The following TOP1 variants were observed in gnomAD, a reference collection of about 807,000 sequenced individuals.
The protein encoded by TOP1 is DNA topoisomerase 1.
In TOP1, 10 loss-of-function variants were observed where a neutral mutation model predicts 111.1. The ratio of observed to expected loss-of-function variants is 0.09; its 90% CI spans 0.06 to 0.15. TOP1 has a LOEUF of 0.15. Among genes scored for constraint, TOP1 ranks in the 10% least tolerant of loss-of-function variants. TOP1 has a pLI of 1.00. For missense variants in TOP1, 474 were observed against 926.7 expected (o/e 0.51, Z 6.34); for synonymous variants, 271 against 302.9 (o/e 0.89, Z 1.10).
chr20:41,111,618 A>G (rs2034243214), intron 13 of TOP1, among the ~76,000 whole-genome samples: 1 of 90,580 alleles, frequency 1.1e-5, no homozygotes, highest in African/African-American at 4.5e-5. Context: ...TTTTTTTTTG[A>G]TAGGGTCATG....
rs776922601 is a variant in TOP1, at chr20:41,066,557, C to CTTTTTTTT, written c.155+5077_155+5084dup. 4.2e-4 allele frequency among the ~76,000 whole-genome samples: 54 copies of CTTTTTTTT among 129,388 alleles called. 2 individuals are homozygous for CTTTTTTTT. The highest frequency in any genetic ancestry group is 1.5e-3 in the African/African-American group (50 of 34,206). 84.9% of individuals were successfully genotyped at this position (129,388 alleles called of 152,430 possible). ...TGTACTTTTGTGCCTCTTTTCTTTT[C>CTTTTTTTT]TTTTTTTTTTTTTTTTTGAGACAGT... On this transcript the variant is annotated intron_variant, in intron 3 of 20. Transcript: ENST00000361337.
chr20:41,082,969 T>A lies in TOP1; in HGVS notation c.508-1493T>A, dbSNP rs1158628928. Among the ~76,000 whole-genome samples the A allele has an allele frequency of 2.0e-5, 3 of 152,182 alleles. No homozygotes were observed. Among genetic ancestry groups the A allele is most frequent in the African/African-American group, 7.2e-5 (3 of 41,452 alleles). On this transcript the variant is annotated intron_variant, in intron 7 of 20. Coordinates refer to ENST00000361337, the MANE Select transcript of TOP1 (RefSeq NM_003286.4). This position sits in a 1 kb window ranked among gnomAD's most constrained non-coding sequence, Gnocchi z 4.1. ...CAGCCCTACCACATAGGGGGAAAAA[T>A]GCTGGCTGAAAGACTGAATTAATAC...
chr20:41,077,773 G>T, intron 5 of TOP1, 136 bp downstream of exon 5: 1 of 757,522 alleles, frequency 1.3e-6, no homozygotes, highest in South Asian at 1.8e-5. Context: ...GCTCAGCAGT[G>T]AGAAGACTCG....
rs1214539052 is a variant in TOP1 at position 41,034,159 on chromosome 20, C to T, written c.58+4704C>T. On this transcript the variant is annotated intron_variant, in intron 2 of 20. Coordinates refer to ENST00000361337, the MANE Select transcript of TOP1 (RefSeq NM_003286.4). This position sits in a 1 kb window ranked among gnomAD's most constrained non-coding sequence, Gnocchi z 4.0. ...AGGCAAACAGTTGACACATGGATTT[C>T]TTAAGGTAAAAAGTTTAGAGACTTC... Among the ~76,000 whole-genome samples the T allele has an allele frequency of 6.6e-6, 1 of 152,158 alleles. No homozygotes were observed. Among genetic ancestry groups the T allele is most frequent in the East Asian group, 1.9e-4 (1 of 5,198 alleles).
chr20:41,102,599 G>C lies in TOP1; in HGVS notation c.1308+1246G>C, dbSNP rs976866147. Among the ~76,000 whole-genome samples the C allele has an allele frequency of 6.6e-6, 1 of 152,186 alleles. No individual in the cohort carries two copies. Among genetic ancestry groups the C allele is most frequent in the African/African-American group, 2.4e-5 (1 of 41,424 alleles). On this transcript the variant is annotated intron_variant, in intron 13 of 20. Coordinates refer to ENST00000361337, the MANE Select transcript of TOP1 (RefSeq NM_003286.4). The surrounding 1 kb of genome is among the most constrained non-coding windows in gnomAD (Gnocchi z 4.0). ...CACTCCAGCCTGGGCAAGAGACTTAGACTCTGTCTCAAATAAATAACTAAA... is the reference window on the plus strand; with the variant it reads ...CACTCCAGCCTGGGCAAGAGACTTACACTCTGTCTCAAATAAATAACTAAA...
chr20:41,104,301 C>CGGAGACTGGA (rs1568700186), intron 13 of TOP1, among the ~76,000 whole-genome samples: 1 of 152,130 alleles, frequency 6.6e-6, no homozygotes. Flanking sequence ...TGCTGCTCTG[C>CGGAGACTGGA]GGAGACTGGA....
chr20:41,088,902 C>A (rs537739555), intron 8 of TOP1, among the ~76,000 whole-genome samples: 3 of 151,828 alleles, frequency 2.0e-5, no homozygotes, highest in African/African-American at 7.3e-5. Flanking sequence ...GTGTACAATT[C>A]GGTGGCATTA....
At position 41,121,851 on chromosome 20, in the gene TOP1, G is replaced by A; in HGVS notation, c.2045+61G>A. 2 of 1,561,990 alleles carry A rather than the reference G, an allele frequency of 1.3e-6. No individual in the cohort carries two copies. Among genetic ancestry groups the A allele is most frequent in the Non-Finnish European group, 1.8e-6 (2 of 1,138,844 alleles). On this transcript the variant is annotated intron_variant, in intron 19 of 20. Coordinates refer to ENST00000361337, the MANE Select transcript of TOP1 (RefSeq NM_003286.4). The surrounding 1 kb of genome is among the most constrained non-coding windows in gnomAD (Gnocchi z 4.2). ...GAGAAAAGTGTGCAGCATCTGTCAG[G>A]GCCCCTGGGGCCCTGGCTTTTCGAT...
Position 41,097,206 on chromosome 20 carries a change from A to T in TOP1, c.731-14A>T. On this transcript the variant is annotated splice_polypyrimidine_tract_variant and intron_variant, in intron 9 of 20. Transcript: ENST00000361337. The surrounding 1 kb of genome is among the most constrained non-coding windows in gnomAD (Gnocchi z 4.2). ...ATACTATACCTCACTTTTTGGAACC[A>T]CTTTTTTCTCTAGGTAAAGTCATGA... The T allele has an allele frequency of 1.9e-6, 3 of 1,609,042 alleles. No homozygotes were observed. The highest frequency in any genetic ancestry group is 2.5e-6 in the Non-Finnish European group (3 of 1,178,874).
intron 2 of TOP1, among the ~76,000 whole-genome samples, chr20:41,059,462 T>TAA (rs2033517819): frequency 1.6e-5 from 2 of 121,530 alleles, no homozygotes; most frequent in African/African-American, 3.1e-5. Context: ...ATAAATAAGG[T>TAA]GGTGGTGGTG....
At chr20:41,076,416 A>G in intron 4 of TOP1, 122 bp downstream of exon 4, 1 of 1,356,462 alleles carries the variant, frequency 7.4e-7, no homozygotes, top group Non-Finnish European at 9.9e-7. Flanking sequence ...TCTTGTCAGG[A>G]GAATTTAGAG....
At position 41,080,155 on chromosome 20, in the gene TOP1, T is replaced by G; in HGVS notation, c.406T>G (p.Leu136Val). The change falls in exon 6 of 21, where the codon TTA (leucine) becomes GTA (valine). Residue 136 changes from leucine (L) to valine (V), a missense_variant. This residue lies in a region of TOP1 where 185 missense variants were observed against 226.3 expected (regional missense o/e 0.82). Coordinates refer to ENST00000361337, the MANE Select transcript of TOP1 (RefSeq NM_003286.4). This position sits in a 1 kb window ranked among gnomAD's most constrained non-coding sequence, Gnocchi z 5.0. ...FVPPKEDIKP[L>V]KRPRDEDDAD... ...TCCTCCTAAAGAGGATATAAAGCCA[T>G]TAAAGAGACCTCGAGATGAGGATGA... The G allele has an allele frequency of 1.2e-6, 2 of 1,607,586 alleles. No individual in the cohort carries two copies. Among genetic ancestry groups the G allele is most frequent in the Non-Finnish European group, 1.7e-6 (2 of 1,176,404 alleles).
intron 2 of TOP1, among the ~76,000 whole-genome samples, chr20:41,056,005 A>T (rs1387796486): frequency 6.6e-6 from 1 of 152,026 alleles, no homozygotes; most frequent in East Asian, 1.9e-4. Flanking sequence ...AATATAATGA[A>T]CTCCCATGTG....
chr20:41,035,865 A>C (rs1369513083), intron 2 of TOP1, among the ~76,000 whole-genome samples: 1 of 152,210 alleles, frequency 6.6e-6, no homozygotes. Flanking sequence ...AGACTAATCT[A>C]GGAGGCTTCA....
intron 2 of TOP1, among the ~76,000 whole-genome samples, chr20:41,040,304 G>A (rs1294483415): frequency 6.6e-6 from 1 of 152,232 alleles, no homozygotes; most frequent in African/African-American, 2.4e-5. Flanking sequence ...GGGACAAAAT[G>A]TTAGACTTAC....
At chr20:41,093,819 A>C (rs1222920720) in intron 9 of TOP1, among the ~76,000 whole-genome samples, 4 of 152,220 alleles carry the variant, frequency 2.6e-5, no homozygotes, top group African/African-American at 9.7e-5. Flanking sequence ...CCTAGGTAGT[A>C]GTTTACACTA....
intron 2 of TOP1, among the ~76,000 whole-genome samples, chr20:41,050,419 GTC>G (rs1363156587): frequency 6.6e-6 from 1 of 152,206 alleles, no homozygotes; most frequent in Non-Finnish European, 1.5e-5. Flanking sequence ...GCCAGAAACA[GTC>G]TCTGTCCTGC....
chr20:41,038,822 C>CA (rs202048982), intron 2 of TOP1, among the ~76,000 whole-genome samples: 7 of 151,530 alleles, frequency 4.6e-5, no homozygotes, highest in African/African-American at 1.7e-4. Flanking sequence ...CCTGTCTCAA[C>CA]AAAAAAAATA....
Position 41,112,997 on chromosome 20 carries a change from C to T in TOP1, c.1452+72C>T. The T allele has an allele frequency of 2.0e-6, 3 of 1,497,124 alleles. No homozygotes were observed. The highest frequency in any genetic ancestry group is 4.5e-5 in the East Asian group (2 of 44,038). 92.7% of individuals were successfully genotyped at this position (1,497,124 alleles called of 1,614,324 possible). On this transcript the variant is annotated intron_variant, in intron 14 of 20. Coordinates refer to ENST00000361337, the MANE Select transcript of TOP1 (RefSeq NM_003286.4). This position sits in a 1 kb window ranked among gnomAD's most constrained non-coding sequence, Gnocchi z 5.8. ...AGGGAGTTTCTGCTCTGCCCCAGGCCCTGTGCCACATACTGTATATCACAA... is the reference window on the plus strand; with the variant it reads ...AGGGAGTTTCTGCTCTGCCCCAGGCTCTGTGCCACATACTGTATATCACAA...
Sources: gnomAD v4.1 joint callset for allele counts (sites outside exome capture counted in the v4.1 genomes callset) on GRCh38, gnomAD v4.1.1 for gene constraint, gnomAD v4.1.1 regional missense constraint, Gnocchi (gnomAD v3.1) non-coding constraint, MANE v1.5 for transcripts, NCBI Gene and HGNC (gene_info 2026-07-23, HGNC 2026-07-21) for gene names.